FHOD3: variants seen among roughly 807,000 people sequenced by gnomAD.
FHOD3 encodes the protein formin homology 2 domain containing 3, also known as FH1/FH2 domain-containing protein 3.
Under a neutral mutation model 173.0 loss-of-function variants are expected in FHOD3, and 90 were observed. That is an observed-to-expected ratio of 0.52 (90% CI 0.44 to 0.62). FHOD3 has a LOEUF of 0.62. Ranked by LOEUF, FHOD3 falls within the 20% of genes least tolerant of loss-of-function variation. The probability of loss-of-function intolerance (pLI) is 0.00; values close to 1 mark genes in which losing one functional copy is unlikely to be tolerated. For synonymous variants in FHOD3, 828 were observed against 823.0 expected (o/e 1.01, Z -0.10); for missense variants, 1,945 against 2,034.7 (o/e 0.96, Z 0.85).
chr18:36,405,869 A>G (rs1028820774), intron 3 of FHOD3, among the ~76,000 whole-genome samples: 15 of 152,186 alleles, frequency 9.9e-5, no homozygotes, highest in Non-Finnish European at 1.5e-5. Flanking sequence ...TGTCGGTTAA[A>G]TGAAGTGAGG....
At chr18:36,430,732 T>C (rs890134431) in intron 3 of FHOD3, among the ~76,000 whole-genome samples, 1 of 152,190 alleles carries the variant, frequency 6.6e-6, no homozygotes, top group Non-Finnish European at 1.5e-5. Context: ...ATATTGGGGA[T>C]AATATTGGGC....
At chr18:36,475,631 C>T (rs149053591) in intron 3 of FHOD3, among the ~76,000 whole-genome samples, 65 of 152,198 alleles carry the variant, frequency 4.3e-4, no homozygotes, top group African/African-American at 1.4e-3. Context: ...AACTGTTACT[C>T]ATGCTGCTTA....
chr18:36,761,028 T>C (rs778655444), intron 27 of FHOD3, among the ~76,000 whole-genome samples: 9 of 152,202 alleles, frequency 5.9e-5, no homozygotes, highest in Non-Finnish European at 8.8e-5. Context: ...GATGACCTCC[T>C]GAGGGAGAGC....
At chr18:36,475,252 C>T (rs765784178) in intron 3 of FHOD3, among the ~76,000 whole-genome samples, 5 of 152,056 alleles carry the variant, frequency 3.3e-5, no homozygotes, top group African/African-American at 4.8e-5. Context: ...CTTGGGTGCT[C>T]ACCTGTCTTT....
At chr18:36,436,993 G>T (rs150768226) in intron 3 of FHOD3, among the ~76,000 whole-genome samples, 329 of 152,284 alleles carry the variant, frequency 2.2e-3, no homozygotes, top group Middle Eastern at 6.8e-3. Flanking sequence ...AAGTAGCTTG[G>T]TTTATCCAAC....
At chr18:36,548,689 A>G (rs961133334) in intron 5 of FHOD3, among the ~76,000 whole-genome samples, 13 of 152,204 alleles carry the variant, frequency 8.5e-5, no homozygotes, top group African/African-American at 2.9e-4. Context: ...ATCATACAGT[A>G]CATGTCCTTT....
In FHOD3 at chr18:36,611,182, T is replaced by C. The variant is rs147909772; in HGVS notation, c.814-770T>C. Among the ~76,000 whole-genome samples, 347 of 152,340 alleles carry C rather than the reference T, an allele frequency of 2.3e-3. 2 individuals are homozygous for C. Among genetic ancestry groups the C allele is most frequent in the African/African-American group, 7.7e-3 (322 of 41,580 alleles). Reference sequence around the variant, plus strand: ...TTAAATACAGTTTAATAAAATTAAATTGTTACAACTCCAGTTGTTGGTGTA... The same window carrying C: ...TTAAATACAGTTTAATAAAATTAAACTGTTACAACTCCAGTTGTTGGTGTA... On this transcript the variant is annotated intron_variant, in intron 8 of 28. Transcript: ENST00000590592.
chr18:36,474,839 G>A (rs796960951), intron 3 of FHOD3, among the ~76,000 whole-genome samples: 2 of 152,226 alleles, frequency 1.3e-5, no homozygotes, highest in African/African-American at 4.8e-5. Context: ...GGGGCCCTCT[G>A]GCTGGAATGA....
intron 20 of FHOD3, 21 bp from the exon 21 acceptor site, chr18:36,740,628 AATATACT>A: frequency 1.9e-6 from 3 of 1,583,652 alleles, no homozygotes; most frequent in Non-Finnish European, 2.6e-6. Flanking sequence ...ACTAAGAGAA[AATATACT>A]ATATCATCTC....
chr18:36,506,732 G>A (rs2055321617), intron 4 of FHOD3, among the ~76,000 whole-genome samples: 1 of 152,186 alleles, frequency 6.6e-6, no homozygotes, highest in African/African-American at 2.4e-5. Flanking sequence ...GCGAAAATAT[G>A]TGATGGGCTT....
chr18:36,381,247 T>C (rs1398957), intron 3 of FHOD3, among the ~76,000 whole-genome samples: 61,842 of 152,022 alleles, frequency 0.41, 13,206 homozygotes, highest in East Asian at 0.68. Flanking sequence ...TCACAGATTG[T>C]CTTAGAGGAA....
At chr18:36,468,454 C>T (rs962549001) in intron 3 of FHOD3, among the ~76,000 whole-genome samples, 1 of 152,128 alleles carries the variant, frequency 6.6e-6, no homozygotes, top group Non-Finnish European at 1.5e-5. Flanking sequence ...CCGGAATGCA[C>T]AGCTGGGGCT....
At chr18:36,769,225 C>T in intron 27 of FHOD3, 40 bp from the exon 28 acceptor site, 1 of 1,603,084 alleles carries the variant, frequency 6.2e-7, no homozygotes. Context: ...TTGTGTTTTC[C>T]TTCTGAGTAT....
intron 27 of FHOD3, among the ~76,000 whole-genome samples, chr18:36,762,746 A>G (rs1005149644): frequency 6.6e-6 from 1 of 151,074 alleles, no homozygotes; most frequent in Non-Finnish European, 1.5e-5. Flanking sequence ...CAGTGAGCCA[A>G]GATGGCGCCA....
chr18:36,750,441 T>G (rs2042355636), intron 24 of FHOD3, among the ~76,000 whole-genome samples: 1 of 152,230 alleles, frequency 6.6e-6, no homozygotes, highest in African/African-American at 2.4e-5. Flanking sequence ...AGGTTATCTG[T>G]TTACTCTGTT....
chr18:36,436,981 G>A (rs1368217389), intron 3 of FHOD3, among the ~76,000 whole-genome samples: 2 of 152,184 alleles, frequency 1.3e-5, no homozygotes, highest in African/African-American at 4.8e-5. Flanking sequence ...CTTAGCCCCT[G>A]CAAGTAGCTT....
At chr18:36,740,913 C>G in intron 21 of FHOD3, 75 bp downstream of exon 21, 2 of 1,382,760 alleles carry the variant, frequency 1.4e-6, no homozygotes, top group Non-Finnish European at 2.0e-6. Flanking sequence ...TTGATCAGTA[C>G]TAAGGCAGTG....
Position 36,585,091 on chromosome 18 carries a change from T to G in FHOD3, c.606+8546T>G, listed in dbSNP as rs1599755550. 2.0e-5 allele frequency among the ~76,000 whole-genome samples: 3 copies of G among 152,388 alleles called. No homozygotes were observed. The South Asian group carries it at 6.2e-4, about 32-fold the overall frequency. On this transcript the variant is annotated intron_variant, in intron 6 of 28. Transcript: ENST00000590592. The stretch of plus-strand genomic sequence containing the variant: ...TTAATGCCTACATAATATACAGTCA[T>G]ATGAATGTACTATTATTCATTCGAC...
At chr18:36,647,890 G>A (rs968899570) in intron 10 of FHOD3, among the ~76,000 whole-genome samples, 4 of 152,182 alleles carry the variant, frequency 2.6e-5, no homozygotes, top group Non-Finnish European at 4.4e-5. Flanking sequence ...GGGTGGGAGA[G>A]GGAAGCAATT....
Sources: gnomAD v4.1 joint callset for allele counts (sites outside exome capture counted in the v4.1 genomes callset) on GRCh38, gnomAD v4.1.1 for gene constraint, MANE v1.5 for transcripts, NCBI Gene and HGNC (gene_info 2026-07-23, HGNC 2026-07-21) for gene names.